SYNE3: variants seen among roughly 807,000 people sequenced by gnomAD.
SYNE3 encodes spectrin repeat containing nuclear envelope family member 3.
In SYNE3, 100 loss-of-function variants were observed where a neutral mutation model predicts 111.2. The ratio of observed to expected loss-of-function variants is 0.90; its 90% CI spans 0.77 to 1.06. The LOEUF (loss-of-function observed/expected upper bound fraction) is 1.06, where lower values mean the gene tolerates loss of function less well. Among genes scored for constraint, SYNE3 ranks in the 50% least tolerant of loss-of-function variants. The probability of loss-of-function intolerance (pLI) is 0.00; values close to 1 mark genes in which losing one functional copy is unlikely to be tolerated. For missense variants in SYNE3, 1,160 were observed against 1,240.3 expected (o/e 0.94, Z 0.97); for synonymous variants, 547 against 533.9 (o/e 1.02, Z -0.34).
rs775748669 is a variant in SYNE3, at chr14:95,443,236, A to G, written c.1830T>C (p.Pro610=). Reference sequence around the variant, plus strand: ...GGTGGTTGGGGTTCTCCTGGACCAGAGGCCTTGCAGCCTCCATCTGTGCCC... The same window carrying G: ...GGTGGTTGGGGTTCTCCTGGACCAGGGGCCTTGCAGCCTCCATCTGTGCCC... ...DLGAQMEAAR[P]LVQENPNHQH... The change falls in exon 11 of 18, where the codon CCT becomes CCC. Residue 610 remains proline, a synonymous_variant. Transcript: ENST00000682763. The G allele has an allele frequency of 6.2e-7, 1 of 1,614,214 alleles. No individual in the cohort carries two copies. The highest frequency in any genetic ancestry group is 8.5e-7 in the Non-Finnish European group (1 of 1,180,032).
At chr14:95,419,057 C>G (rs996956879) in intron 17 of SYNE3, among the ~76,000 whole-genome samples, 2 of 152,240 alleles carry the variant, frequency 1.3e-5, no homozygotes, top group African/African-American at 4.8e-5. Context: ...TTCTCTGCTA[C>G]AATGTCCCTG....
At chr14:95,479,733 A>T (rs1174728769) in intron 1 of SYNE3, among the ~76,000 whole-genome samples, 1 of 152,174 alleles carries the variant, frequency 6.6e-6, no homozygotes, top group Non-Finnish European at 1.5e-5. Context: ...AGACAGGAGG[A>T]CAGGGGCCAC....
At chr14:95,432,961 C>T (rs946560300) in intron 16 of SYNE3, among the ~76,000 whole-genome samples, 21 of 152,122 alleles carry the variant, frequency 1.4e-4, no homozygotes, top group African/African-American at 4.6e-4. Flanking sequence ...CTGAATGGGA[C>T]GGTGCACACA....
At chr14:95,441,641 G>A (rs1316071799) in intron 11 of SYNE3, among the ~76,000 whole-genome samples, 1 of 152,262 alleles carries the variant, frequency 6.6e-6, no homozygotes, top group African/African-American at 2.4e-5. Context: ...GAGGTATTAG[G>A]AGACTTTTGC....
At position 95,433,289 on chromosome 14, in the gene SYNE3, ACTT is replaced by A; in HGVS notation, c.2656_2658del (p.Lys886del). ...AGGTGGCCAGAGTCCTTCAGCTTGG[ACTT>A]GTACAGCATCCACTGGTAGCGCAGA... On this transcript the variant is annotated inframe_deletion, in exon 16 of 18. Coordinates refer to ENST00000682763, the MANE Select transcript of SYNE3 (RefSeq NM_152592.6). 2 of 1,613,982 alleles carry A rather than the reference ACTT, an allele frequency of 1.2e-6. No individual in the cohort carries two copies. The highest frequency in any genetic ancestry group is 1.7e-6 in the Non-Finnish European group (2 of 1,179,970).
At chr14:95,427,416 G>A (rs908128610) in intron 17 of SYNE3, among the ~76,000 whole-genome samples, 17 of 152,276 alleles carry the variant, frequency 1.1e-4, no homozygotes, top group East Asian at 5.8e-4. Flanking sequence ...AGGCCTAACC[G>A]TCTCCCTGTG....
chr14:95,510,225 G>A (rs114922791), intron 1 of SYNE3, among the ~76,000 whole-genome samples: 1,963 of 152,282 alleles, frequency 0.013, 40 homozygotes, highest in African/African-American at 0.045. Context: ...AACCCTGTTA[G>A]ATGGGAAACA....
chr14:95,486,926 G>C (rs1399463020), intron 1 of SYNE3, among the ~76,000 whole-genome samples: 2 of 152,168 alleles, frequency 1.3e-5, no homozygotes, highest in African/African-American at 2.4e-5. Context: ...CTCAAGGACG[G>C]TGCCTCCTGC....
intron 2 of SYNE3, among the ~76,000 whole-genome samples, chr14:95,471,326 G>C (rs1030752031): frequency 1.3e-5 from 2 of 152,238 alleles, no homozygotes; most frequent in African/African-American, 4.8e-5. Context: ...AAAGCCTGGT[G>C]TCCTGACTGT....
rs150878477 is a variant in SYNE3 at position 95,511,890 on chromosome 14, A to C, written c.-15+4706T>G. Among the ~76,000 whole-genome samples the C allele has an allele frequency of 3.1e-3, 478 of 151,954 alleles. 3 individuals are homozygous for C. The highest frequency in any genetic ancestry group is 0.011 in the African/African-American group (458 of 41,228). ...TGCATGAGAGTCACACAGCTGTGGC[A>C]GCCTGGAGAGAAGTGTATTCCCTAC... On this transcript the variant is annotated intron_variant, in intron 1 of 17. Coordinates refer to ENST00000682763, the MANE Select transcript of SYNE3 (RefSeq NM_152592.6).
At position 95,444,594 on chromosome 14, in the gene SYNE3, G is replaced by C. The variant is rs1426913866; in HGVS notation, c.1667C>G (p.Ala556Gly). ...LLAQHKDFGA[A>G]FEPLQRKLLD... ...GAGCTTCCTCTGCAGGGGCTCAAAA[G>C]CTGCTCCAAAGTCTTTGTGCTGAGC... Residue 556 changes from alanine to glycine, a missense_variant, in exon 10 of 18, where the codon GCT (alanine) becomes GGT (glycine). By Grantham distance (60) the Ala-to-Gly change is moderately conservative. Transcript: ENST00000682763. 3 of 1,612,032 alleles carry C rather than the reference G, an allele frequency of 1.9e-6. No individual in the cohort carries two copies. The African/African-American group carries it at 4.0e-5, about 22-fold the overall frequency.
At chr14:95,423,395 T>C (rs1044503858) in intron 17 of SYNE3, among the ~76,000 whole-genome samples, 1 of 152,150 alleles carries the variant, frequency 6.6e-6, no homozygotes, top group African/African-American at 2.4e-5. Flanking sequence ...GCTCCTAGGA[T>C]GGAGACCAAG....
chr14:95,421,255 G>A (rs10151751), intron 17 of SYNE3, among the ~76,000 whole-genome samples: 47,103 of 151,986 alleles, frequency 0.31, 8,180 homozygotes, highest in East Asian at 0.67. Context: ...GCCCATGGGG[G>A]TGGGGAGGGA....
In SYNE3 at chr14:95,439,180, G is replaced by T; in HGVS notation, c.2247-18C>A. The stretch of plus-strand genomic sequence containing the variant: ...TGATGAGGCTGAGAAGACAAACTCA[G>T]CCCAGTCAATGCAGAGATGTGGTGG... On this transcript the variant is annotated intron_variant, in intron 13 of 17. Coordinates refer to ENST00000682763, the MANE Select transcript of SYNE3 (RefSeq NM_152592.6). The T allele has an allele frequency of 6.2e-7, 1 of 1,614,154 alleles. No homozygotes were observed. Among genetic ancestry groups the T allele is most frequent in the Non-Finnish European group, 8.5e-7 (1 of 1,179,986 alleles).
chr14:95,420,570 GGGA>G (rs1472227116), intron 17 of SYNE3, among the ~76,000 whole-genome samples: 4 of 152,166 alleles, frequency 2.6e-5, no homozygotes, highest in Non-Finnish European at 5.9e-5. Context: ...GTGTTGACAA[GGGA>G]TGGTCTTCTC....
intron 2 of SYNE3, among the ~76,000 whole-genome samples, chr14:95,474,558 G>A (rs1337105590): frequency 6.6e-6 from 1 of 152,194 alleles, no homozygotes; most frequent in Non-Finnish European, 1.5e-5. Context: ...GGGCTCTGCA[G>A]GCACAGGAAA....
At chr14:95,452,438 G>A (rs1887151846) in intron 6 of SYNE3, 55 bp from the exon 7 acceptor site, 3 of 1,539,068 alleles carry the variant, frequency 1.9e-6, no homozygotes, top group Admixed American at 3.6e-5. Context: ...CAGGATAAGT[G>A]TGTGTGTGCA....
intron 1 of SYNE3, among the ~76,000 whole-genome samples, chr14:95,484,797 A>T (rs895492302): frequency 2.0e-5 from 3 of 152,212 alleles, no homozygotes; most frequent in African/African-American, 7.2e-5. Context: ...TGCTTGTTTG[A>T]TGGATGTGTT....
At chr14:95,492,842 C>T (rs550428509) in intron 1 of SYNE3, among the ~76,000 whole-genome samples, 1 of 152,080 alleles carries the variant, frequency 6.6e-6, no homozygotes, top group Non-Finnish European at 1.5e-5. Flanking sequence ...ACAGTAAGAA[C>T]CTGGCTCTAT....
Sources: allele counts gnomAD v4.1 joint callset (sites outside exome capture counted in the v4.1 genomes callset), GRCh38; gene constraint gnomAD v4.1.1; transcripts MANE v1.5; gene names NCBI Gene and HGNC (gene_info 2026-07-23, HGNC 2026-07-21).